Variants in ALPI observed in about 807,000 individuals in gnomAD.
ALPI encodes alkaline phosphatase, intestinal.
In ALPI, 50 loss-of-function variants were observed where a neutral mutation model predicts 51.5. The observed-to-expected ratio is 0.97, with a 90% CI of 0.77 to 1.23. The LOEUF (loss-of-function observed/expected upper bound fraction) is 1.23. Among genes scored for constraint, ALPI ranks in the 50% most tolerant of loss-of-function variants. The pLI, the probability that ALPI is intolerant of heterozygous loss-of-function variation, is 0.00. For synonymous variants in ALPI, 322 were observed against 308.2 expected (o/e 1.04, Z -0.47); for missense variants, 692 against 722.4 (o/e 0.96, Z 0.48).
rs374924065 is a variant in ALPI, at chr2:232,457,087, C to G, written c.475+14C>G. ...CCAAGCAAGCAGGTGAGCTGGGGCC[C>G]GCTGTGGGGTCAGGACCAGGCCCAA... On this transcript the variant is annotated intron_variant, in intron 4 of 10. Coordinates refer to ENST00000295463, the MANE Select transcript of ALPI (RefSeq NM_001631.5). This position sits in a 1 kb window ranked among gnomAD's most constrained non-coding sequence, Gnocchi z 4.7. The G allele has an allele frequency of 5.0e-6, 8 of 1,613,272 alleles. No homozygotes were observed. The highest frequency in any genetic ancestry group is 1.6e-4 in the Middle Eastern group (1 of 6,062).
Position 232,459,445 on chromosome 2 carries a change from C to A in ALPI, c.*299C>A, listed in dbSNP as rs1167367051. 1.4e-5 allele frequency: 6 copies of A among 423,036 alleles called. No individual in the cohort carries two copies. Among genetic ancestry groups the A allele is most frequent in the Non-Finnish European group, 2.6e-5 (6 of 233,462 alleles). 26.2% of individuals were successfully genotyped at this position (423,036 alleles called of 1,614,324 possible). A position where few individuals can be genotyped will look rare whatever the true frequency, so the allele number is the denominator to read the frequency against. ...CTGCAGATTTGTGCCATGCGGCTGC[C>A]TGCACCCCAGACAATAAAGGGACCA... On this transcript the variant is annotated 3_prime_UTR_variant, in exon 11 of 11. Transcript: ENST00000295463.
In ALPI at chr2:232,457,618, T is replaced by C; in HGVS notation, c.702T>C (p.Pro234=). 1 of 1,613,954 alleles carries C rather than the reference T, an allele frequency of 6.2e-7. No individual in the cohort carries two copies. Among genetic ancestry groups the C allele is most frequent in the Non-Finnish European group, 8.5e-7 (1 of 1,179,940 alleles). ...TGTTTCCCATGGGGACCCCAGACCC[T>C]GAGTACCCAGCTGATGCCAGCCAGA... ...KYMFPMGTPD[P]EYPADASQNG... The change falls in exon 6 of 11, where the codon CCT becomes CCC. Residue 234 remains proline, a synonymous_variant. Transcript: ENST00000295463. This position sits in a 1 kb window ranked among gnomAD's most constrained non-coding sequence, Gnocchi z 4.7.
rs2106174626 is a variant in ALPI, at chr2:232,460,689, C to T, written c.*1543C>T. Among the ~76,000 whole-genome samples, 1 of 152,330 alleles carries T rather than the reference C, an allele frequency of 6.6e-6. No homozygotes were observed. Among genetic ancestry groups the T allele is most frequent in the East Asian group, 1.9e-4 (1 of 5,196 alleles). ...ATCTTGCTTTTGCAAGAAATAGTAA[C>T]ATCATTCAATATGCTTTCTTATTTA... On this transcript the variant is annotated 3_prime_UTR_variant, in exon 11 of 11. Transcript: ENST00000295463.
Position 232,459,480 on chromosome 2 carries a change from A to C in ALPI, c.*334A>C. On this transcript the variant is annotated 3_prime_UTR_variant, in exon 11 of 11. Transcript: ENST00000295463. Reference sequence around the variant, plus strand: ...GACAATAAAGGGACCAAAACCACCCAACCCCCACCCTGCCTCTATCCTAAG... The same window carrying C: ...GACAATAAAGGGACCAAAACCACCCCACCCCCACCCTGCCTCTATCCTAAG... 1 of 320,420 alleles carries C rather than the reference A, an allele frequency of 3.1e-6. No individual in the cohort carries two copies. The highest frequency in any genetic ancestry group is 5.8e-6 in the Non-Finnish European group (1 of 171,870). The allele number at this position is 320,420 out of a possible 1,614,324, so 19.8% of individuals were successfully genotyped here.
At position 232,457,823 on chromosome 2, in the gene ALPI, A is replaced by G. The variant is rs1391963126; in HGVS notation, c.812A>G (p.Glu271Gly). 1 of 1,613,872 alleles carries G rather than the reference A, an allele frequency of 6.2e-7. No individual in the cohort carries two copies. Among genetic ancestry groups the G allele is most frequent in the South Asian group, 1.1e-5 (1 of 91,062 alleles). Residue 271 changes from glutamate (E) to glycine (G), a missense_variant, in exon 7 of 11, where the codon GAG becomes GGG. Glu to Gly is a moderately conservative substitution (Grantham distance 98). Transcript: ENST00000295463. The surrounding 1 kb of genome is among the most constrained non-coding windows in gnomAD (Gnocchi z 4.7). ...GCCTGGTATGTGTGGAACCGCACTG[A>G]GCTCATGCAGGCGTCCCTGGACCAG... Reference protein sequence around the residue: ...QGAWYVWNRTELMQASLDQSV... With the variant: ...QGAWYVWNRTGLMQASLDQSV...
Position 232,457,817 on chromosome 2 carries a change from G to A in ALPI, c.806G>A (p.Arg269His), listed in dbSNP as rs903671931. The A allele has an allele frequency of 1.7e-5, 28 of 1,613,896 alleles. No homozygotes were observed. The highest frequency in any genetic ancestry group is 1.2e-4 in the African/African-American group (9 of 74,870). ...CAGGGTGCCTGGTATGTGTGGAACCGCACTGAGCTCATGCAGGCGTCCCTG... is the reference window on the plus strand; with the variant it reads ...CAGGGTGCCTGGTATGTGTGGAACCACACTGAGCTCATGCAGGCGTCCCTG... ...KHQGAWYVWN[R>H]TELMQASLDQ... Residue 269 changes from arginine to histidine, a missense_variant, in exon 7 of 11, where the codon CGC (arginine) becomes CAC (histidine). By Grantham distance (29) the Arg-to-His change is conservative. Transcript: ENST00000295463. The surrounding 1 kb of genome is among the most constrained non-coding windows in gnomAD (Gnocchi z 4.7).
At position 232,458,965 on chromosome 2, in the gene ALPI, A is replaced by G. The variant is rs772481331; in HGVS notation, c.1406A>G (p.His469Arg). The G allele has an allele frequency of 1.3e-6, 2 of 1,595,210 alleles. No homozygotes were observed. Among genetic ancestry groups the G allele is most frequent in the South Asian group, 2.3e-5 (2 of 88,788 alleles). ...FARGPQAHLVHGVQEQSFVAH... is the reference protein window; with the variant it reads ...FARGPQAHLVRGVQEQSFVAH... Reference sequence around the variant, plus strand: ...CGCGGCCCGCAGGCGCACCTGGTGCATGGTGTGCAGGAGCAGAGCTTCGTA... The same window carrying G: ...CGCGGCCCGCAGGCGCACCTGGTGCGTGGTGTGCAGGAGCAGAGCTTCGTA... The change falls in exon 11 of 11, where the codon CAT becomes CGT. Residue 469 changes from histidine (H) to arginine (R), a missense_variant. Transcript: ENST00000295463.
chr2:232,459,020 G>A lies in ALPI; in HGVS notation c.1461G>A (p.Leu487=). Residue 487 remains leucine (L), a synonymous_variant, in exon 11 of 11, where the codon CTG becomes CTA. Transcript: ENST00000295463. ...VAHVMAFAAC[L]EPYTACDLAP... is the part of the protein sequence containing the mutation. The stretch of plus-strand genomic sequence containing the variant: ...ATGTCATGGCCTTCGCTGCCTGTCT[G>A]GAGCCCTACACGGCCTGCGACCTGG... 1 of 1,562,840 alleles carries A rather than the reference G, an allele frequency of 6.4e-7. No homozygotes were observed. Among genetic ancestry groups the A allele is most frequent in the Non-Finnish European group, 8.7e-7 (1 of 1,154,118 alleles).
At position 232,458,787 on chromosome 2, in the gene ALPI, T is replaced by C. The variant is rs547893587; in HGVS notation, c.1300+39T>C. ...AATGGCCCGTGCAGGGGGACCAGGGTGCCAGGGATGGGGGCATTCGCGGGA... is the reference window on the plus strand; with the variant it reads ...AATGGCCCGTGCAGGGGGACCAGGGCGCCAGGGATGGGGGCATTCGCGGGA... On this transcript the variant is annotated intron_variant, in intron 10 of 10. Coordinates refer to ENST00000295463, the MANE Select transcript of ALPI (RefSeq NM_001631.5). 8.3e-5 allele frequency: 134 copies of C among 1,611,996 alleles called. No homozygotes were observed. In the South Asian group the frequency reaches 1.4e-3, roughly 17 times the overall value.
Position 232,457,355 on chromosome 2 carries a change from C to T in ALPI, c.648+33C>T, listed in dbSNP as rs2106172364. The T allele has an allele frequency of 6.3e-7, 1 of 1,577,808 alleles. No individual in the cohort carries two copies. The highest frequency in any genetic ancestry group is 2.2e-5 in the East Asian group (1 of 44,704). On this transcript the variant is annotated intron_variant, in intron 5 of 10. Transcript: ENST00000295463. This position sits in a 1 kb window ranked among gnomAD's most constrained non-coding sequence, Gnocchi z 4.7. Reference sequence around the variant, plus strand: ...CCCCGGGCCAAGGGCTGGGGCTGGGCAGAGGGGAAGGTGGCACAGGCTCAG... The same window carrying T: ...CCCCGGGCCAAGGGCTGGGGCTGGGTAGAGGGGAAGGTGGCACAGGCTCAG...
At chr2:232,458,580 C>T in intron 9 of ALPI, 52 bp from the exon 10 acceptor site, 1 of 1,579,522 alleles carries the variant, frequency 6.3e-7, no homozygotes, top group Non-Finnish European at 8.7e-7. Context: ...ACATAGGAGG[C>T]ACTCCCACAG....
At position 232,460,016 on chromosome 2, in the gene ALPI, G is replaced by A. The variant is rs1038161426; in HGVS notation, c.*870G>A. 8 of 152,224 alleles carry A rather than the reference G, an allele frequency of 5.3e-5. No homozygotes were observed. The highest frequency in any genetic ancestry group is 1.9e-4 in the African/African-American group (8 of 41,444). The allele number at this position is 152,224 out of a possible 1,614,324, so 9.4% of individuals were successfully genotyped here. A position where few individuals can be genotyped will look rare whatever the true frequency, so the allele number is the denominator to read the frequency against. ...CCTAGGAGACAAAGCAATAATAAAA[G>A]GTGTTAGACAATGTAATGCCAGTAC... is the stretch of plus-strand genomic sequence containing the variant. On this transcript the variant is annotated 3_prime_UTR_variant, in exon 11 of 11. Transcript: ENST00000295463.
In ALPI at chr2:232,457,518, G is replaced by A. The variant is rs746777538; in HGVS notation, c.649-47G>A. On this transcript the variant is annotated intron_variant, in intron 5 of 10. Coordinates refer to ENST00000295463, the MANE Select transcript of ALPI (RefSeq NM_001631.5). This position sits in a 1 kb window ranked among gnomAD's most constrained non-coding sequence, Gnocchi z 4.7. ...GGGGCTATGCATGAGGAGGGGGCAC[G>A]GGGCCAGCCAGGCCCCCAAACCACC... The A allele has an allele frequency of 5.7e-6, 9 of 1,566,684 alleles. No homozygotes were observed. The highest frequency in any genetic ancestry group is 1.7e-4 in the Middle Eastern group (1 of 5,842).
rs1690279457 is a variant in ALPI at position 232,459,812 on chromosome 2, C to T, written c.*666C>T. On this transcript the variant is annotated 3_prime_UTR_variant, in exon 11 of 11. Coordinates refer to ENST00000295463, the MANE Select transcript of ALPI (RefSeq NM_001631.5). ...GCAGAGGCTTGCCCCAAGTCACAGC[C>T]ACTCAGATGCTTCCTGCCCCCCAGT... 6.5e-6 allele frequency: 1 copy of T among 152,754 alleles called. No homozygotes were observed. Among genetic ancestry groups the T allele is most frequent in the South Asian group, 2.1e-4 (1 of 4,840 alleles). The allele number at this position is 152,754 out of a possible 1,614,324, so 9.5% of individuals were successfully genotyped here.
chr2:232,458,495 C>T (rs2741269), intron 9 of ALPI, 87 bp downstream of exon 9: 190,643 of 1,534,612 alleles, frequency 0.12, 12,432 homozygotes, highest in East Asian at 0.23. Flanking sequence ...CAAAAGTGTG[C>T]AATGCTGGCA....
Position 232,457,819 on chromosome 2 carries a change from A to T in ALPI, c.808A>T (p.Thr270Ser). The T allele has an allele frequency of 3.1e-6, 5 of 1,613,960 alleles. No homozygotes were observed. The highest frequency in any genetic ancestry group is 4.2e-6 in the Non-Finnish European group (5 of 1,179,964). ...HQGAWYVWNRTELMQASLDQS... is the reference protein window; with the variant it reads ...HQGAWYVWNRSELMQASLDQS... Reference sequence around the variant, plus strand: ...GGGTGCCTGGTATGTGTGGAACCGCACTGAGCTCATGCAGGCGTCCCTGGA... The same window carrying T: ...GGGTGCCTGGTATGTGTGGAACCGCTCTGAGCTCATGCAGGCGTCCCTGGA... The change falls in exon 7 of 11, where the codon ACT becomes TCT. Residue 270 changes from threonine to serine, a missense_variant. Physicochemically the swap from Thr to Ser is moderately conservative, Grantham distance 58. Coordinates refer to ENST00000295463, the MANE Select transcript of ALPI (RefSeq NM_001631.5). The surrounding 1 kb of genome is among the most constrained non-coding windows in gnomAD (Gnocchi z 4.7).
Position 232,457,954 on chromosome 2 carries a change from C to T in ALPI, c.857-44C>T. 1 of 1,612,440 alleles carries T rather than the reference C, an allele frequency of 6.2e-7. No homozygotes were observed. Among genetic ancestry groups the T allele is most frequent in the Non-Finnish European group, 8.5e-7 (1 of 1,178,966 alleles). On this transcript the variant is annotated intron_variant, in intron 7 of 10. Coordinates refer to ENST00000295463, the MANE Select transcript of ALPI (RefSeq NM_001631.5). This position sits in a 1 kb window ranked among gnomAD's most constrained non-coding sequence, Gnocchi z 4.7. ...TGTGTGCCCATTTGCCAGCACCCTC[C>T]CGCTCACAGCCTGCCAATCACCACC...
Position 232,457,980 on chromosome 2 carries a change from A to C in ALPI, c.857-18A>C. The C allele has an allele frequency of 1.9e-6, 3 of 1,613,072 alleles. No homozygotes were observed. The highest frequency in any genetic ancestry group is 2.5e-6 in the Non-Finnish European group (3 of 1,179,484). ...CGCTCACAGCCTGCCAATCACCACC[A>C]AGCTCCTTGTCCCACAGGCCTCTTT... On this transcript the variant is annotated intron_variant, in intron 7 of 10. Coordinates refer to ENST00000295463, the MANE Select transcript of ALPI (RefSeq NM_001631.5). This position sits in a 1 kb window ranked among gnomAD's most constrained non-coding sequence, Gnocchi z 4.7.
At position 232,458,145 on chromosome 2, in the gene ALPI, C is replaced by T; in HGVS notation, c.991+13C>T. ...CTCTTTGTGGAGGGTGCGTGGTGGC[C>T]CCTGGGGAGTGGAGGAAGGCGGGGC... On this transcript the variant is annotated intron_variant, in intron 8 of 10. Coordinates refer to ENST00000295463, the MANE Select transcript of ALPI (RefSeq NM_001631.5). 1.2e-6 allele frequency: 2 copies of T among 1,613,908 alleles called. No homozygotes were observed. Among genetic ancestry groups the T allele is most frequent in the Non-Finnish European group, 1.7e-6 (2 of 1,179,910 alleles).
Sources: gnomAD v4.1 joint callset for allele counts (sites outside exome capture counted in the v4.1 genomes callset) on GRCh38, gnomAD v4.1.1 for gene constraint, Gnocchi (gnomAD v3.1) non-coding constraint, MANE v1.5 for transcripts, NCBI Gene and HGNC (gene_info 2026-07-23, HGNC 2026-07-21) for gene names.